The following SUGCT variants were observed in gnomAD, a reference collection of about 807,000 sequenced individuals.
The protein encoded by SUGCT is succinyl-CoA:glutarate-CoA transferase.
SUGCT carries 41 observed loss-of-function variants against 55.0 expected under a neutral mutation model. The observed-to-expected ratio is 0.74, with a 90% CI of 0.58 to 0.97. The LOEUF is 0.97. Ranked by LOEUF, SUGCT falls within the 50% of genes least tolerant of loss-of-function variation. The pLI, the probability that SUGCT is intolerant of heterozygous loss-of-function variation, is 0.00. For synonymous variants in SUGCT, 187 were observed against 200.4 expected (o/e 0.93, Z 0.56); for missense variants, 568 against 547.8 (o/e 1.04, Z -0.37).
At chr7:40,827,493 AC>A (rs1391959424) in intron 13 of SUGCT, among the ~76,000 whole-genome samples, 1 of 152,192 alleles carries the variant, frequency 6.6e-6, no homozygotes, top group Non-Finnish European at 1.5e-5. Flanking sequence ...TTCCCTGCTC[AC>A]CAGCTCCAAT....
At chr7:40,344,163 G>C (rs758478687) in intron 9 of SUGCT, among the ~76,000 whole-genome samples, 47 of 152,168 alleles carry the variant, frequency 3.1e-4, no homozygotes, top group Non-Finnish European at 6.2e-4. Flanking sequence ...TAAATTGGCA[G>C]CTTAGGATGT....
chr7:40,473,246 G>T (rs1562801697), intron 11 of SUGCT, among the ~76,000 whole-genome samples: 2 of 152,106 alleles, frequency 1.3e-5, no homozygotes, highest in Non-Finnish European at 2.9e-5. Context: ...TATTTTAACA[G>T]TAATCATATG....
At chr7:40,863,880 C>T (rs17688924), downstream of SUGCT, among the ~76,000 whole-genome samples, 48,273 of 151,512 alleles carry the variant, frequency 0.32, 8,485 homozygotes, top group East Asian at 0.72. Flanking sequence ...TCTAGTGGTA[C>T]TAGTACTGGT....
chr7:40,193,348 C>T (rs1331524029), intron 5 of SUGCT, among the ~76,000 whole-genome samples: 3 of 139,354 alleles, frequency 2.2e-5, no homozygotes, highest in South Asian at 2.3e-4. Flanking sequence ...TGCAGCAGCA[C>T]GATCTTGGCT....
chr7:40,328,451 T>G (rs1365447844), intron 9 of SUGCT, among the ~76,000 whole-genome samples: 1 of 152,084 alleles, frequency 6.6e-6, no homozygotes, highest in Non-Finnish European at 1.5e-5. Context: ...TTTCTGGAGT[T>G]TGGTAGTGTG....
the SUGCT span, among the ~76,000 whole-genome samples, chr7:40,924,866 TTG>T: frequency 6.6e-5 from 10 of 152,356 alleles, no homozygotes; most frequent in Non-Finnish European, 1.3e-4. Context: ...CATTCACAGA[TTG>T]TAAGATGCTT....
the SUGCT span, among the ~76,000 whole-genome samples, chr7:40,898,045 C>T: frequency 6.6e-6 from 1 of 152,134 alleles, no homozygotes; most frequent in Non-Finnish European, 1.5e-5. Flanking sequence ...TCAGATAAAT[C>T]TTGATGCTGC....
chr7:40,187,274 G>A (rs965893499), intron 3 of SUGCT, among the ~76,000 whole-genome samples: 3 of 152,094 alleles, frequency 2.0e-5, no homozygotes, highest in Non-Finnish European at 2.9e-5. Context: ...ATCACACACC[G>A]GGGCCTGTCG....
At chr7:40,153,514 C>T (rs1400921744) in intron 1 of SUGCT, 1 of 384,870 alleles carries the variant, frequency 2.6e-6, no homozygotes, top group African/African-American at 2.1e-5. Flanking sequence ...CATTTTGGAC[C>T]TATGACTCTT....
intron 13 of SUGCT, among the ~76,000 whole-genome samples, chr7:40,856,495 C>T (rs1794173517): frequency 6.6e-6 from 1 of 152,098 alleles, no homozygotes; most frequent in Admixed American, 6.6e-5. Context: ...GTGTGCAGGA[C>T]AGTACATGAA....
chr7:40,615,912 C>G (rs1798981802), intron 12 of SUGCT, among the ~76,000 whole-genome samples: 1 of 152,122 alleles, frequency 6.6e-6, no homozygotes, highest in East Asian at 1.9e-4. Flanking sequence ...AGAGTTTGCT[C>G]TCCATTTTGA....
chr7:40,727,616 T>C (rs1390083761), intron 12 of SUGCT, among the ~76,000 whole-genome samples: 3 of 152,232 alleles, frequency 2.0e-5, no homozygotes, highest in African/African-American at 7.2e-5. Flanking sequence ...AGATTAGAAC[T>C]GAGTTTTTCA....
chr7:40,692,597 A>G (rs1784746058), intron 12 of SUGCT, among the ~76,000 whole-genome samples: 1 of 152,152 alleles, frequency 6.6e-6, no homozygotes, highest in Non-Finnish European at 1.5e-5. Flanking sequence ...AGTAGAATAT[A>G]CTACTGCAGC....
intron 7 of SUGCT, among the ~76,000 whole-genome samples, chr7:40,239,510 T>C (rs1291146901): frequency 2.0e-5 from 3 of 152,222 alleles, no homozygotes; most frequent in African/African-American, 7.2e-5. Flanking sequence ...TGGTTTTATT[T>C]AAGGGTGTTG....
intron 12 of SUGCT, among the ~76,000 whole-genome samples, chr7:40,620,084 G>C (rs919106598): frequency 1.3e-5 from 2 of 152,192 alleles, no homozygotes; most frequent in Non-Finnish European, 2.9e-5. Context: ...GGCAGTGAAG[G>C]AATATTCTCC....
At chr7:40,630,859 T>C (rs967658142) in intron 12 of SUGCT, among the ~76,000 whole-genome samples, 2 of 129,270 alleles carry the variant, frequency 1.5e-5, no homozygotes, top group African/African-American at 6.1e-5. Flanking sequence ...TTTGTGTGTG[T>C]AGATGTATAT....
At chr7:40,367,596 C>A (rs1373094228) in intron 9 of SUGCT, among the ~76,000 whole-genome samples, 6 of 151,880 alleles carry the variant, frequency 4.0e-5, no homozygotes, top group Non-Finnish European at 7.4e-5. Context: ...AAAGGAAAAC[C>A]AGCACCACTT....
intron 13 of SUGCT, among the ~76,000 whole-genome samples, chr7:40,777,135 A>C (rs1789491538): frequency 6.6e-6 from 1 of 152,202 alleles, no homozygotes; most frequent in Admixed American, 6.5e-5. Flanking sequence ...TCTCTTCTCT[A>C]GAGAGCCTCT....
intron 6 of SUGCT, among the ~76,000 whole-genome samples, chr7:40,210,217 T>C (rs1341841771): frequency 6.6e-6 from 1 of 152,036 alleles, no homozygotes; most frequent in Non-Finnish European, 1.5e-5. Context: ...AGCTATTTTT[T>C]TTGTATTTTT....
Sources: allele counts gnomAD v4.1 joint callset (sites outside exome capture counted in the v4.1 genomes callset), GRCh38; gene constraint gnomAD v4.1.1; transcripts MANE v1.5; gene names NCBI Gene and HGNC (gene_info 2026-07-23, HGNC 2026-07-21).